FADS2: variants seen among roughly 807,000 people sequenced by gnomAD.
FADS2 encodes the protein acyl-CoA 6-desaturase.
Under a neutral mutation model 61.2 loss-of-function variants are expected in FADS2, and 18 were observed. The observed-to-expected ratio is 0.29, with a 90% CI of 0.20 to 0.44. The LOEUF is 0.44. FADS2 is among the 20% of genes least tolerant of loss of function. The probability of loss-of-function intolerance (pLI) is 1.00; values close to 1 mark genes in which losing one functional copy is unlikely to be tolerated. For missense variants in FADS2, 322 were observed against 572.7 expected (o/e 0.56, Z 4.47); for synonymous variants, 203 against 223.9 (o/e 0.91, Z 0.83).
chr11:61,857,773 G>C (rs1463151950), intron 7 of FADS2, among the ~76,000 whole-genome samples: 1 of 152,164 alleles, frequency 6.6e-6, no homozygotes, highest in Non-Finnish European at 1.5e-5. Flanking sequence ...CTTTTGCAGA[G>C]CCCCCGAGAA....
chr11:61,817,189 GCCGCAGGAA>G, intron 1 of FADS2: 3 of 180,866 alleles, frequency 1.7e-5, no homozygotes, highest in Non-Finnish European at 2.2e-5. Context: ...CTGCGGGGTG[GCCGCAGGAA>G]GGGTGGGCGG....
chr11:61,833,334 C>T (rs1211809270), intron 1 of FADS2, among the ~76,000 whole-genome samples: 3 of 152,228 alleles, frequency 2.0e-5, no homozygotes, highest in Non-Finnish European at 2.9e-5. Context: ...TGCCTTGAAT[C>T]CTGGTCTGCC....
intron 4 of FADS2, chr11:61,847,768 A>G (rs980554877): frequency 9.2e-5 from 22 of 238,454 alleles, no homozygotes; most frequent in Non-Finnish European, 1.6e-4. Context: ...TCTGGGCCAC[A>G]TAGTAGGGAC....
At chr11:61,850,855 G>A (rs1038806534) in intron 5 of FADS2, among the ~76,000 whole-genome samples, 2 of 152,214 alleles carry the variant, frequency 1.3e-5, no homozygotes, top group South Asian at 2.1e-4. Context: ...TAGTATTCCC[G>A]ACAGCCTTGG....
intron 7 of FADS2, chr11:61,861,957 G>A (rs2067421175): frequency 6.6e-6 from 1 of 152,246 alleles, no homozygotes; most frequent in Non-Finnish European, 1.5e-5. Flanking sequence ...AGACACAAAT[G>A]TGACCTTGTT....
At chr11:61,852,865 AG>A (rs1186228166) in intron 5 of FADS2, among the ~76,000 whole-genome samples, 1 of 152,122 alleles carries the variant, frequency 6.6e-6, no homozygotes, top group Admixed American at 6.6e-5. Context: ...ATGAAAACGT[AG>A]TCTCTCGGCC....
chr11:61,848,542 G>T, intron 5 of FADS2: 1 of 537,428 alleles, frequency 1.9e-6, no homozygotes, highest in Non-Finnish European at 3.4e-6. Flanking sequence ...CCTCTCCTAG[G>T]TACCCTGAAT....
At chr11:61,838,573 G>A (rs2067193902) in intron 2 of FADS2, among the ~76,000 whole-genome samples, 1 of 151,968 alleles carries the variant, frequency 6.6e-6, no homozygotes, top group African/African-American at 2.4e-5. Context: ...GCCAGCCTGG[G>A]CCAGACCCCT....
At position 61,816,455 on chromosome 11, in the gene FADS2, C is replaced by T; in HGVS notation, c.141+29C>T. 1 of 1,600,190 alleles carries T rather than the reference C, an allele frequency of 6.2e-7. No individual in the cohort carries two copies. Among genetic ancestry groups the T allele is most frequent in the Non-Finnish European group, 8.5e-7 (1 of 1,179,738 alleles). On this transcript the variant is annotated intron_variant, in intron 1 of 11. Coordinates refer to the FADS2 transcript ENST00000257261. This position sits in a 1 kb window ranked among gnomAD's most constrained non-coding sequence, Gnocchi z 7.0. ...TGATCAGGCGCCTCCGGGCTTTCCT[C>T]CGAATTAGTCGGTGTTTGGCTCGGA...
intron 1 of FADS2, among the ~76,000 whole-genome samples, chr11:61,834,063 A>G (rs1309682297): frequency 6.6e-6 from 1 of 152,218 alleles, no homozygotes; most frequent in Admixed American, 6.5e-5. Flanking sequence ...TAACAGGGCA[A>G]TGACCCAGGG....
intron 1 of FADS2, among the ~76,000 whole-genome samples, chr11:61,830,871 A>G (rs1328594626): frequency 6.6e-6 from 1 of 152,246 alleles, no homozygotes; most frequent in Admixed American, 6.5e-5. Context: ...GAATAAGAAC[A>G]AGTATTATGA....
At position 61,862,911 on chromosome 11, in the gene FADS2, C is replaced by G. The variant is rs111788347; in HGVS notation, c.883-61C>G. 9,865 of 1,351,422 alleles carry G rather than the reference C, an allele frequency of 7.3e-3. 302 individuals are homozygous for G. The highest frequency in any genetic ancestry group is 0.054 in the East Asian group (2,359 of 43,696). 83.7% of individuals were successfully genotyped at this position (1,351,422 alleles called of 1,614,324 possible). ...GTGAGGTGTGTGCACATCTGGGGCA[C>G]GCACTTGGTGCCAGGGCAGAGGAGA... On this transcript the variant is annotated intron_variant, in intron 7 of 11. Transcript: ENST00000278840.
At chr11:61,817,288 C>G (rs980501028) in intron 1 of FADS2, 1 of 237,940 alleles carries the variant, frequency 4.2e-6, no homozygotes, top group Non-Finnish European at 8.0e-6. Context: ...ATGCCTTGGC[C>G]GGGGTCTCCA....
intron 4 of FADS2, among the ~76,000 whole-genome samples, chr11:61,841,860 G>A (rs1591170720): frequency 6.6e-6 from 1 of 152,188 alleles, no homozygotes. Context: ...CATTAGAAGT[G>A]CAGGAGTTAA....
chr11:61,823,580 G>A (rs548018902), upstream of FADS2, among the ~76,000 whole-genome samples: 3 of 152,300 alleles, frequency 2.0e-5, no homozygotes, highest in East Asian at 3.9e-4. Flanking sequence ...GCAGTGGCAC[G>A]ATCATGGATC....
upstream of FADS2, chr11:61,826,401 C>T (rs890285420): frequency 4.3e-6 from 3 of 702,370 alleles, no homozygotes; most frequent in African/African-American, 3.5e-5. Context: ...GGGCCTGAAC[C>T]TTCAAAGCCT....
chr11:61,825,917 G>A (rs568805008), upstream of FADS2: 4 of 604,408 alleles, frequency 6.6e-6, no homozygotes, highest in Non-Finnish European at 1.2e-5. Context: ...GGGCAGGGAG[G>A]CACATGGCAG....
chr11:61,840,150 G>A (rs745661011), intron 2 of FADS2, 184 bp from the exon 3 acceptor site: 1 of 624,708 alleles, frequency 1.6e-6, no homozygotes, highest in Non-Finnish European at 2.9e-6. Context: ...CCCCAGGGCT[G>A]TGTGGGGCAT....
chr11:61,850,066 C>T (rs138614453), intron 5 of FADS2, among the ~76,000 whole-genome samples: 27 of 152,144 alleles, frequency 1.8e-4, no homozygotes, highest in Admixed American at 9.2e-4. Context: ...AAAATTCTAC[C>T]TTGTATCCTG....
Sources: gnomAD v4.1 joint callset for allele counts (sites outside exome capture counted in the v4.1 genomes callset) on GRCh38, gnomAD v4.1.1 for gene constraint, Gnocchi (gnomAD v3.1) non-coding constraint, MANE v1.5 for transcripts, NCBI Gene and HGNC (gene_info 2026-07-23, HGNC 2026-07-21) for gene names.